Variants in OMA1 observed in about 807,000 individuals in gnomAD.
The protein encoded by OMA1 is OMA1 zinc metallopeptidase.
OMA1 carries 38 observed loss-of-function variants against 30.9 expected under a neutral mutation model. That is an observed-to-expected ratio of 1.23 (90% confidence interval 0.95 to 1.61). The LOEUF is 1.61. Among genes scored for constraint, OMA1 ranks in the 40% most tolerant of loss-of-function variants. OMA1 has a pLI of 0.00. For missense variants in OMA1, 461 were observed against 349.2 expected (o/e 1.32, Z -2.55); for synonymous variants, 173 against 121.9 (o/e 1.42, Z -2.76).
intron 3 of OMA1, among the ~76,000 whole-genome samples, chr1:58,534,859 C>G (rs1646492772): frequency 6.6e-6 from 1 of 152,156 alleles, no homozygotes; most frequent in Non-Finnish European, 1.5e-5. Context: ...TCGCTTGAGT[C>G]TAGGAGGTGG....
In OMA1 at chr1:58,480,762, G is replaced by T; in HGVS notation, c.*203C>A. ...TTTATTCTGTGACATTTTCCTCATT[G>T]AAGATATTTTAACATAGATTAAAAT... On this transcript the variant is annotated 3_prime_UTR_variant, in exon 9 of 9. Coordinates refer to ENST00000371226, the MANE Select transcript of OMA1 (RefSeq NM_145243.5). 1 of 412,974 alleles carries T rather than the reference G, an allele frequency of 2.4e-6. No individual in the cohort carries two copies. Among genetic ancestry groups the T allele is most frequent in the Non-Finnish European group, 4.2e-6 (1 of 237,758 alleles). 25.6% of individuals were successfully genotyped at this position (412,974 alleles called of 1,614,324 possible).
chr1:58,485,323 C>T (rs1645559614), intron 8 of OMA1, among the ~76,000 whole-genome samples: 1 of 139,732 alleles, frequency 7.2e-6, no homozygotes, highest in African/African-American at 2.6e-5. Context: ...GCTCTACATG[C>T]TTTTTGTGCT....
intron 7 of OMA1, among the ~76,000 whole-genome samples, chr1:58,526,621 C>T (rs1282200881): frequency 2.2e-5 from 3 of 136,116 alleles, no homozygotes; most frequent in African/African-American, 5.6e-5. Flanking sequence ...AAAAAAAAGC[C>T]ATCTGCTACA....
chr1:58,480,965 T>C lies in OMA1; in HGVS notation c.1575A>G (p.Ter525TrpextTer10), dbSNP rs945007968. 2.3e-6 allele frequency: 2 copies of C among 860,958 alleles called. No individual in the cohort carries two copies. Among genetic ancestry groups the C allele is most frequent in the Non-Finnish European group, 4.0e-6 (2 of 496,510 alleles). 53.3% of individuals were successfully genotyped at this position (860,958 alleles called of 1,614,324 possible). ...TYIVEKRTGS[*>W] The stretch of plus-strand genomic sequence containing the variant: ...TATCTTGTGTCTCATAAATTTTAAT[T>C]CAACTGCCCGTTCTTTTCTCAACTA... Residue 525 changes from the stop codon to tryptophan (W), a stop_lost, in exon 9 of 9, where the codon TGA (stop) becomes TGG (tryptophan). Coordinates refer to ENST00000371226, the MANE Select transcript of OMA1 (RefSeq NM_145243.5).
intron 7 of OMA1, among the ~76,000 whole-genome samples, chr1:58,509,600 G>GA (rs36019471): frequency 0.17 from 16,870 of 96,504 alleles, 1,506 homozygotes; most frequent in East Asian, 0.46. Flanking sequence ...TACCAAAAAA[G>GA]AAAAAAAAAA....
intron 7 of OMA1, among the ~76,000 whole-genome samples, chr1:58,526,508 G>A (rs1245412574): frequency 6.7e-6 from 1 of 148,466 alleles, no homozygotes; most frequent in Non-Finnish European, 1.5e-5. Context: ...TATCACAGGT[G>A]ATTAAAAATA....
At chr1:58,520,316 G>A (rs1646242671) in intron 7 of OMA1, among the ~76,000 whole-genome samples, 1 of 152,116 alleles carries the variant, frequency 6.6e-6, no homozygotes, top group Non-Finnish European at 1.5e-5. Context: ...ACACATATCT[G>A]ACAAAGAACT....
chr1:58,543,462 C>G (rs1322484349), intron 1 of OMA1, among the ~76,000 whole-genome samples: 2 of 152,154 alleles, frequency 1.3e-5, no homozygotes, highest in Non-Finnish European at 2.9e-5. Flanking sequence ...TCCTTCTTAT[C>G]TCATTCTAGC....
intron 7 of OMA1, among the ~76,000 whole-genome samples, chr1:58,524,984 C>T (rs1646327294): frequency 6.6e-6 from 1 of 152,148 alleles, no homozygotes; most frequent in Non-Finnish European, 1.5e-5. Flanking sequence ...GAAGTGAATA[C>T]AAAACTATAA....
At chr1:58,534,406 T>C (rs1012709350) in intron 3 of OMA1, 75 bp from the exon 4 acceptor site, 3 of 669,356 alleles carry the variant, frequency 4.5e-6, no homozygotes, top group Non-Finnish European at 7.7e-6. Flanking sequence ...GAAAGTTATA[T>C]GGCTACTTAT....
chr1:58,513,380 C>T (rs1646111263), intron 7 of OMA1, among the ~76,000 whole-genome samples: 1 of 152,130 alleles, frequency 6.6e-6, no homozygotes, highest in African/African-American at 2.4e-5. Flanking sequence ...TATTTCTTTA[C>T]AGCACTGTGA....
At chr1:58,544,317 A>G (rs1421994953) in intron 1 of OMA1, among the ~76,000 whole-genome samples, 1 of 152,218 alleles carries the variant, frequency 6.6e-6, no homozygotes, top group African/African-American at 2.4e-5. Context: ...TAGGCACCAT[A>G]ATGGATGCTA....
At chr1:58,510,327 C>T (rs962864086) in intron 7 of OMA1, among the ~76,000 whole-genome samples, 4 of 151,984 alleles carry the variant, frequency 2.6e-5, no homozygotes, top group Non-Finnish European at 5.9e-5. Context: ...TGGTTCAACA[C>T]ACAAAAATCA....
chr1:58,512,964 T>C (rs1569924733), intron 7 of OMA1, among the ~76,000 whole-genome samples: 3 of 152,206 alleles, frequency 2.0e-5, no homozygotes, highest in Admixed American at 6.5e-5. Context: ...AAATAAATAC[T>C]CAGTTTATCA....
At chr1:58,520,301 G>C (rs1646242300) in intron 7 of OMA1, among the ~76,000 whole-genome samples, 1 of 152,112 alleles carries the variant, frequency 6.6e-6, no homozygotes, top group African/African-American at 2.4e-5. Context: ...GAAAACACTT[G>C]CAAGACACAT....
intron 7 of OMA1, among the ~76,000 whole-genome samples, chr1:58,511,179 G>T (rs1646071051): frequency 6.6e-6 from 1 of 152,088 alleles, no homozygotes; most frequent in Non-Finnish European, 1.5e-5. Flanking sequence ...AAGCAATCTT[G>T]AAAAAGAGTA....
intron 7 of OMA1, among the ~76,000 whole-genome samples, chr1:58,522,272 T>C (rs1207117672): frequency 6.6e-6 from 1 of 152,170 alleles, no homozygotes; most frequent in Non-Finnish European, 1.5e-5. Context: ...GACACATATT[T>C]ATTAATGTAA....
chr1:58,544,334 C>T (rs1417979431), intron 1 of OMA1, among the ~76,000 whole-genome samples: 3 of 152,046 alleles, frequency 2.0e-5, no homozygotes, highest in Non-Finnish European at 4.4e-5. Context: ...GCTAGAGATA[C>T]TGCAGAGAAC....
chr1:58,482,349 C>A (rs1288834671), intron 8 of OMA1, among the ~76,000 whole-genome samples: 1 of 152,098 alleles, frequency 6.6e-6, no homozygotes, highest in Non-Finnish European at 1.5e-5. Flanking sequence ...GAAATAGTTA[C>A]CCCTGAAACT....
Sources: gnomAD v4.1 joint callset for allele counts (sites outside exome capture counted in the v4.1 genomes callset) on GRCh38, gnomAD v4.1.1 for gene constraint, MANE v1.5 for transcripts, NCBI Gene and HGNC (gene_info 2026-07-23, HGNC 2026-07-21) for gene names.